The following PSMA6 variants were observed in gnomAD, a reference collection of about 807,000 sequenced individuals.
The protein encoded by PSMA6 is proteasome 20S subunit alpha 6, also known as proteasome subunit alpha type-6.
For missense variants in PSMA6, 170 were observed against 294.8 expected (o/e 0.58, Z 3.10); for synonymous variants, 88 against 97.7 (o/e 0.90, Z 0.59).
At chr14:35,297,423 G>C (rs1422309498) in intron 1 of PSMA6, among the ~76,000 whole-genome samples, 2 of 151,922 alleles carry the variant, frequency 1.3e-5, no homozygotes, top group Non-Finnish European at 2.9e-5. Flanking sequence ...CACCGTGTTA[G>C]CCAGGATGGT....
chr14:35,311,938 TA>T (rs908923399), intron 4 of PSMA6, among the ~76,000 whole-genome samples: 6 of 151,358 alleles, frequency 4.0e-5, no homozygotes, highest in African/African-American at 1.5e-4. Context: ...ATTTCTATTT[TA>T]AAAAAAAAGT....
chr14:35,309,997 T>C (rs375165775), intron 3 of PSMA6, among the ~76,000 whole-genome samples: 67 of 152,054 alleles, frequency 4.4e-4, no homozygotes, highest in African/African-American at 1.6e-3. Flanking sequence ...TTAGCTGGTA[T>C]GGTGGCACAT....
At chr14:35,295,917 C>G (rs928753838) in intron 1 of PSMA6, among the ~76,000 whole-genome samples, 1 of 152,108 alleles carries the variant, frequency 6.6e-6, no homozygotes, top group East Asian at 1.9e-4. Flanking sequence ...CCCTAGTTGG[C>G]CAAATTCAGC....
At position 35,317,236 on chromosome 14, in the gene PSMA6, T is replaced by C. The variant is rs755561714; in HGVS notation, c.684-13T>C. The C allele has an allele frequency of 1.9e-5, 31 of 1,610,826 alleles. No homozygotes were observed. Among genetic ancestry groups the C allele is most frequent in the Non-Finnish European group, 2.6e-5 (31 of 1,177,238 alleles). ...TTTTAAATCGTTGTTTTTTTCCCCC[T>C]TTTGCCTTCTAGGATTCTTACAGAA... On this transcript the variant is annotated splice_polypyrimidine_tract_variant and intron_variant, in intron 6 of 6. Transcript: ENST00000261479.
chr14:35,316,336 A>G (rs988369685), intron 6 of PSMA6: 3 of 150,522 alleles, frequency 2.0e-5, no homozygotes, highest in Admixed American at 6.6e-5. Context: ...CAGTGAGCCA[A>G]GATTGTGCCA....
chr14:35,306,423 G>A (rs1006465094), intron 1 of PSMA6, among the ~76,000 whole-genome samples: 2 of 152,138 alleles, frequency 1.3e-5, no homozygotes, highest in Non-Finnish European at 2.9e-5. Context: ...AAAAATTTGG[G>A]CCAGGTGCAG....
At chr14:35,290,784 T>A (rs2051468947), upstream of PSMA6, among the ~76,000 whole-genome samples, 1 of 152,042 alleles carries the variant, frequency 6.6e-6, no homozygotes, top group Admixed American at 6.6e-5. Context: ...TAAATGGGAG[T>A]GTGCCTTGGG....
chr14:35,305,281 C>A (rs1187503340), intron 1 of PSMA6, among the ~76,000 whole-genome samples: 1 of 151,924 alleles, frequency 6.6e-6, no homozygotes, highest in Non-Finnish European at 1.5e-5. Context: ...GAACTGGGAC[C>A]ACAGGTGTAC....
At chr14:35,287,513 T>TCAC (rs1200072242), upstream of PSMA6, among the ~76,000 whole-genome samples, 1 of 152,150 alleles carries the variant, frequency 6.6e-6, no homozygotes, top group Non-Finnish European at 1.5e-5. Flanking sequence ...ACCATGTGAT[T>TCAC]CAGCATGTCT....
At chr14:35,310,629 C>G (rs1396851779) in intron 3 of PSMA6, 111 bp from the exon 4 acceptor site, 1 of 1,062,062 alleles carries the variant, frequency 9.4e-7, no homozygotes, top group Non-Finnish European at 1.4e-6. Flanking sequence ...GACCCTTTCT[C>G]TTTAACTCAT....
intron 1 of PSMA6, among the ~76,000 whole-genome samples, chr14:35,295,513 C>G (rs914630043): frequency 2.7e-5 from 4 of 150,636 alleles, no homozygotes; most frequent in Non-Finnish European, 5.9e-5. Context: ...GTGCAATGGC[C>G]GTGATCTCAG....
chr14:35,308,142 C>T, intron 2 of PSMA6, 54 bp downstream of exon 2: 2 of 1,594,926 alleles, frequency 1.3e-6, no homozygotes, highest in Non-Finnish European at 1.7e-6. Flanking sequence ...AATTTTTCAG[C>T]CAAGTGCAGT....
At chr14:35,291,757 A>C (rs968701683), upstream of PSMA6, among the ~76,000 whole-genome samples, 2 of 133,616 alleles carry the variant, frequency 1.5e-5, no homozygotes, top group Admixed American at 8.7e-5. Context: ...CAGGAGGGGG[A>C]GGTTGCAGTC....
At chr14:35,279,745 G>T (rs543971646) in intron 1 of PSMA6, among the ~76,000 whole-genome samples, 1 of 152,350 alleles carries the variant, frequency 6.6e-6, no homozygotes, top group Admixed American at 6.5e-5. Context: ...AGCAAATCAT[G>T]TAACTCTTTG....
intron 1 of PSMA6, among the ~76,000 whole-genome samples, chr14:35,304,361 G>A (rs762829000): frequency 6.6e-6 from 1 of 152,180 alleles, no homozygotes; most frequent in Non-Finnish European, 1.5e-5. Flanking sequence ...TTGAGTTTCT[G>A]TGGATTTTGG....
Position 35,292,429 on chromosome 14 carries a change from G to C in PSMA6, c.-48G>C, listed in dbSNP as rs747612979. ...GGGAGGTGCTTGTGTGCCTGGTGCGGGAGCTACGGGGCCCAGGGATTGTGT... is the reference window on the plus strand; with the variant it reads ...GGGAGGTGCTTGTGTGCCTGGTGCGCGAGCTACGGGGCCCAGGGATTGTGT... On this transcript the variant is annotated 5_prime_UTR_variant, in exon 1 of 7. Transcript: ENST00000261479. 3.8e-6 allele frequency: 6 copies of C among 1,588,712 alleles called. No individual in the cohort carries two copies. In the South Asian group the frequency reaches 6.8e-5, roughly 18 times the overall value.
intron 3 of PSMA6, among the ~76,000 whole-genome samples, chr14:35,310,040 TAGG>T (rs2051911478): frequency 6.6e-6 from 1 of 151,932 alleles, no homozygotes; most frequent in Non-Finnish European, 1.5e-5. Context: ...GAGGCTGAGG[TAGG>T]AGGATCACTT....
chr14:35,291,562 G>GCCTGTAATCCCAGCACT (rs1455654917), upstream of PSMA6, among the ~76,000 whole-genome samples: 4 of 149,960 alleles, frequency 2.7e-5, no homozygotes, highest in Non-Finnish European at 5.9e-5. Flanking sequence ...TGTGGCTCAA[G>GCCTGTAATCCCAGCACT]CCTGTAATCC....
At chr14:35,299,734 A>G (rs2051674923) in intron 1 of PSMA6, among the ~76,000 whole-genome samples, 1 of 152,176 alleles carries the variant, frequency 6.6e-6, no homozygotes, top group Non-Finnish European at 1.5e-5. Flanking sequence ...TTAGGTGTTG[A>G]GTTGTCTAAA....
Sources: allele counts gnomAD v4.1 joint callset (sites outside exome capture counted in the v4.1 genomes callset), GRCh38; gene constraint gnomAD v4.1.1; transcripts MANE v1.5; gene names NCBI Gene and HGNC (gene_info 2026-07-23, HGNC 2026-07-21).